The following RARB variants were observed in gnomAD, a reference collection of about 807,000 sequenced individuals.
RARB encodes retinoic acid receptor beta, also known as HBV-activated protein.
A neutral mutation model predicts 51.9 loss-of-function variants in RARB; 17 were observed. That is an observed-to-expected ratio of 0.33 (90% confidence interval 0.22 to 0.49). The LOEUF (loss-of-function observed/expected upper bound fraction) is 0.49, where lower values mean the gene tolerates loss of function less well. RARB is among the 20% of genes least tolerant of loss of function. RARB has a pLI of 0.99. For synonymous variants in RARB, 215 were observed against 195.4 expected, an observed-to-expected ratio of 1.10 and a Z score of -0.84; for missense variants, 369 against 550.8, an observed-to-expected ratio of 0.67 and a Z score of 3.30.
chr3:25,048,579 T>G (rs1458653821), intron 2 of RARB, among the ~76,000 whole-genome samples: 1 of 152,150 alleles, frequency 6.6e-6, no homozygotes, highest in Admixed American at 6.6e-5. Flanking sequence ...GGACATTCTG[T>G]GTATACTGAT....
intron 5 of RARB, among the ~76,000 whole-genome samples, chr3:25,227,306 G>A (rs35336027): frequency 0.1 from 15,431 of 152,242 alleles, 979 homozygotes; most frequent in South Asian, 0.26. Context: ...TTAACTAAGT[G>A]TAGTAGATGT....
intron 5 of RARB, among the ~76,000 whole-genome samples, chr3:25,354,153 G>A (rs763156217): frequency 6.0e-5 from 9 of 150,980 alleles, no homozygotes; most frequent in Non-Finnish European, 1.2e-4. Flanking sequence ...TCATGTAGCA[G>A]TTACAAAAAT....
At chr3:25,439,729 T>A (rs1270948128) in intron 1 of RARB, among the ~76,000 whole-genome samples, 1 of 152,212 alleles carries the variant, frequency 6.6e-6, no homozygotes, top group African/African-American at 2.4e-5. Flanking sequence ...GTATTCTGTA[T>A]TTTGAATTTT....
chr3:25,343,898 G>A (rs908491184), intron 5 of RARB, among the ~76,000 whole-genome samples: 2 of 152,160 alleles, frequency 1.3e-5, no homozygotes, highest in African/African-American at 4.8e-5. Context: ...AAGGAAAGAG[G>A]ATGGCAGCTC....
intron 2 of RARB, among the ~76,000 whole-genome samples, chr3:24,933,649 G>C (rs767209866): frequency 6.6e-6 from 1 of 152,080 alleles, no homozygotes; most frequent in Non-Finnish European, 1.5e-5. Context: ...ACAGCACTCA[G>C]AGAAAGAAAC....
chr3:24,952,500 C>T (rs9848164), intron 2 of RARB, among the ~76,000 whole-genome samples: 5,172 of 152,126 alleles, frequency 0.034, 269 homozygotes, highest in African/African-American at 0.12. Flanking sequence ...TGCACTCCGG[C>T]GCTAACTGCT....
intron 2 of RARB, among the ~76,000 whole-genome samples, chr3:24,867,274 A>C (rs1559376530): frequency 6.6e-6 from 1 of 152,144 alleles, no homozygotes; most frequent in Non-Finnish European, 1.5e-5. Context: ...TTAAAACTAT[A>C]AACTAAATAT....
intron 5 of RARB, among the ~76,000 whole-genome samples, chr3:25,224,745 C>G (rs1702018233): frequency 1.3e-5 from 2 of 151,968 alleles, no homozygotes; most frequent in Non-Finnish European, 2.9e-5. Context: ...GTAGATGAGA[C>G]TACAGGTGTG....
intron 2 of RARB, among the ~76,000 whole-genome samples, chr3:25,017,601 A>T (rs997377589): frequency 6.6e-6 from 1 of 152,122 alleles, no homozygotes; most frequent in African/African-American, 2.4e-5. Context: ...ATGAATATCT[A>T]TATAATAGGA....
chr3:25,025,908 T>C (rs191276053), intron 2 of RARB, among the ~76,000 whole-genome samples: 2 of 152,290 alleles, frequency 1.3e-5, no homozygotes, highest in East Asian at 3.9e-4. Context: ...AATTGAATCA[T>C]ATAACATTGC....
chr3:24,957,813 G>T (rs548018175), intron 2 of RARB, among the ~76,000 whole-genome samples: 2 of 152,280 alleles, frequency 1.3e-5, no homozygotes, highest in African/African-American at 2.4e-5. Flanking sequence ...AAAAGAGTGG[G>T]TAGGCAGGGC....
rs117258198 is a variant in RARB at position 25,429,735 on chromosome 3, T to C, written c.157+847T>C. 1.6e-4 allele frequency among the ~76,000 whole-genome samples: 25 copies of C among 152,364 alleles called. No homozygotes were observed. In the East Asian group the frequency reaches 4.2e-3, roughly 26 times the overall value. ...GCCGAGGTACGCACCTGGTCAACAG[T>C]AGCCTGGCTGCAGGCTTGAGAAATG... is the stretch of plus-strand genomic sequence containing the variant. On this transcript the variant is annotated intron_variant, in intron 1 of 7. Coordinates refer to ENST00000330688, the MANE Select transcript of RARB (RefSeq NM_000965.5).
intron 4 of RARB, among the ~76,000 whole-genome samples, chr3:25,141,907 GTTATAAGA>G (rs1265624547): frequency 1.3e-5 from 2 of 152,168 alleles, no homozygotes; most frequent in African/African-American, 4.8e-5. Context: ...CAATTTCTCG[GTTATAAGA>G]TTGAGCATTG....
intron 2 of RARB, among the ~76,000 whole-genome samples, chr3:24,910,961 A>C (rs535017733): frequency 6.6e-6 from 1 of 152,318 alleles, no homozygotes; most frequent in South Asian, 2.1e-4. Context: ...GGCCAACATA[A>C]GTTCTTTAAC....
chr3:25,231,611 T>C (rs1702178037), intron 5 of RARB, among the ~76,000 whole-genome samples: 1 of 152,168 alleles, frequency 6.6e-6, no homozygotes, highest in African/African-American at 2.4e-5. Context: ...CTTTTATTTT[T>C]TAAATTAGCC....
At chr3:25,341,472 A>G (rs920700569) in intron 5 of RARB, among the ~76,000 whole-genome samples, 2 of 152,156 alleles carry the variant, frequency 1.3e-5, no homozygotes, top group Admixed American at 6.6e-5. Flanking sequence ...GACTTCCTAG[A>G]AGAGGTTTTA....
At chr3:24,890,776 A>G (rs981186775) in intron 2 of RARB, among the ~76,000 whole-genome samples, 1 of 152,018 alleles carries the variant, frequency 6.6e-6, no homozygotes, top group Non-Finnish European at 1.5e-5. Context: ...CTGGACAAAG[A>G]GTTTTTTGGG....
intron 2 of RARB, among the ~76,000 whole-genome samples, chr3:24,918,013 A>G (rs1010980055): frequency 2.6e-5 from 4 of 152,246 alleles, no homozygotes; most frequent in Non-Finnish European, 5.9e-5. Flanking sequence ...AATGTTAAAT[A>G]TAACATCATG....
chr3:25,309,381 C>A lies in RARB; in HGVS notation c.178+134806C>A, dbSNP rs9862962. Among the ~76,000 whole-genome samples the A allele has an allele frequency of 3.2e-3, 481 of 151,144 alleles. 3 individuals carry two copies. Among genetic ancestry groups the A allele is most frequent in the African/African-American group, 0.011 (455 of 41,206 alleles). ...GTCTCGATCTCCTGACCTCGTGATC[C>A]ACCTGCCTTGGCTTCCCAAAGTGCT... On this transcript the variant is annotated intron_variant, in intron 5 of 11. Coordinates refer to the RARB transcript ENST00000383772.
Sources: gnomAD v4.1 joint callset for allele counts (sites outside exome capture counted in the v4.1 genomes callset) on GRCh38, gnomAD v4.1.1 for gene constraint, MANE v1.5 for transcripts, NCBI Gene and HGNC (gene_info 2026-07-23, HGNC 2026-07-21) for gene names.